LRIG3: variants seen among roughly 807,000 people sequenced by gnomAD.
The protein encoded by LRIG3 is leucine-rich repeats and immunoglobulin-like domains protein 3.
Under a neutral mutation model 114.5 loss-of-function variants are expected in LRIG3, and 76 were observed. That is an observed-to-expected ratio of 0.66 (90% CI 0.55 to 0.80). LRIG3 has a LOEUF of 0.80. Among genes scored for constraint, LRIG3 ranks in the 30% least tolerant of loss-of-function variants. LRIG3 has a pLI of 0.00. For synonymous variants in LRIG3, 512 were observed against 519.8 expected (o/e 0.98, Z 0.20); for missense variants, 1,239 against 1,382.8 (o/e 0.90, Z 1.65).
At chr12:58,879,177 A>ATT in intron 13 of LRIG3, 72 bp from the exon 14 acceptor site, 4 of 1,466,902 alleles carry the variant, frequency 2.7e-6, no homozygotes, top group Non-Finnish European at 3.7e-6. Context: ...CCTTTTTATT[A>ATT]TTTGTTTGTT....
At chr12:58,911,732 T>C (rs1872281117) in intron 3 of LRIG3, among the ~76,000 whole-genome samples, 1 of 152,080 alleles carries the variant, frequency 6.6e-6, no homozygotes, top group South Asian at 2.1e-4. Context: ...TGTTTTTATA[T>C]AAAAGAAAAT....
intron 16 of LRIG3, among the ~76,000 whole-genome samples, chr12:58,875,819 C>T (rs1029409842): frequency 3.3e-5 from 5 of 152,232 alleles, no homozygotes; most frequent in Non-Finnish European, 7.3e-5. Flanking sequence ...GCAGGCAGAT[C>T]ACCTGAGGTC....
intron 1 of LRIG3, among the ~76,000 whole-genome samples, chr12:58,918,714 T>A (rs1221679671): frequency 6.6e-6 from 1 of 152,220 alleles, no homozygotes; most frequent in African/African-American, 2.4e-5. Flanking sequence ...CACAACTAAT[T>A]GAAAGTCTCC....
Position 58,920,132 on chromosome 12 carries a change from A to G in LRIG3, c.104T>C (p.Leu35Pro). The G allele has an allele frequency of 2.6e-6, 4 of 1,545,368 alleles. No individual in the cohort carries two copies. The highest frequency in any genetic ancestry group is 3.5e-6 in the Non-Finnish European group (4 of 1,146,598). ...GRSDSGGRGE[L>P]GQPSGVAAER... ...GGCGGCTACCCCAGAGGGCTGCCCG[A>G]GTTCCCCGCGACCGCCGCTGTCTGA... is the stretch of plus-strand genomic sequence containing the variant. Residue 35 changes from leucine to proline, a missense_variant, in exon 1 of 19, where the codon CTC becomes CCC. Physicochemically the swap from Leu to Pro is moderately conservative, Grantham distance 98. Coordinates refer to ENST00000320743, the MANE Select transcript of LRIG3 (RefSeq NM_153377.5).
At chr12:58,909,673 A>G (rs1872198418) in intron 3 of LRIG3, among the ~76,000 whole-genome samples, 1 of 152,226 alleles carries the variant, frequency 6.6e-6, no homozygotes, top group Non-Finnish European at 1.5e-5. Flanking sequence ...ACTCTATGAG[A>G]TAGACATCAG....
In LRIG3 at chr12:58,890,734, G is replaced by C. The variant is rs1592300914; in HGVS notation, c.446C>G (p.Thr149Ser). The change falls in exon 4 of 19, where the codon ACT becomes AGT. Residue 149 changes from threonine to serine, a missense_variant. Thr to Ser is a moderately conservative substitution (Grantham distance 58). Coordinates refer to ENST00000320743, the MANE Select transcript of LRIG3 (RefSeq NM_153377.5). ...AATATTGTTGCTGCTAAGGTCCAAA[G>C]TTTCAAGGGACTGAAACTCTTTCAG... ...EHLKEFQSLE[T>S]LDLSSNNISE... The C allele has an allele frequency of 3.7e-6, 6 of 1,606,590 alleles. 1 individual carries two copies. In the Middle Eastern group the frequency reaches 6.6e-4, roughly 177 times the overall value.
rs377131038 is a variant in LRIG3, at chr12:58,914,005, C to T, written c.360G>A (p.Ser120=). Residue 120 remains serine, a synonymous_variant, in exon 3 of 19, where the codon TCG becomes TCA. Transcript: ENST00000320743. ...ACAAGGAGAGAAGTGTAATATTTGC[C>T]GAGACTGGTCCCAGATTTGGAATGG... The part of the protein sequence containing the change: ...LETIPNLGPV[S]ANITLLSLAG... The T allele has an allele frequency of 4.3e-6, 7 of 1,611,814 alleles. 1 individual carries two copies. The Admixed American group carries it at 5.0e-5, about 12-fold the overall frequency.
intron 16 of LRIG3, among the ~76,000 whole-genome samples, chr12:58,875,866 C>T (rs1173232735): frequency 6.6e-6 from 1 of 152,124 alleles, no homozygotes; most frequent in Admixed American, 6.6e-5. Flanking sequence ...ATGGCAAAAC[C>T]CCATCTCTAC....
intron 6 of LRIG3, 115 bp downstream of exon 6, chr12:58,888,704 T>A: frequency 7.1e-7 from 1 of 1,417,334 alleles, no homozygotes; most frequent in Non-Finnish European, 9.6e-7. Flanking sequence ...GACTTATAAA[T>A]AAGATTGTGG....
rs1041427698 is a variant in LRIG3, at chr12:58,910,521, C to T, written c.383+3461G>A. ...TGCTGGGGAGGCTGAGGCAAGAGAA[C>T]GGCATGAACCCGGGCAGCGGAGCTT... On this transcript the variant is annotated intron_variant, in intron 3 of 18. Coordinates refer to ENST00000320743, the MANE Select transcript of LRIG3 (RefSeq NM_153377.5). 9.2e-5 allele frequency among the ~76,000 whole-genome samples: 14 copies of T among 152,092 alleles called. No homozygotes were observed. In the East Asian group the frequency reaches 9.7e-4, roughly 11 times the overall value.
At chr12:58,893,184 A>G (rs1435925775) in intron 3 of LRIG3, among the ~76,000 whole-genome samples, 1 of 152,188 alleles carries the variant, frequency 6.6e-6, no homozygotes, top group African/African-American at 2.4e-5. Flanking sequence ...AGAGAATAAT[A>G]AGGGGACAAA....
intron 3 of LRIG3, among the ~76,000 whole-genome samples, chr12:58,905,113 G>GC (rs760162201): frequency 2.0e-5 from 3 of 152,166 alleles, no homozygotes; most frequent in Non-Finnish European, 4.4e-5. Flanking sequence ...TGCTCAATGG[G>GC]CCAACAGGAT....
At chr12:58,914,531 A>G in intron 1 of LRIG3, 195 bp from the exon 2 acceptor site, 1 of 549,620 alleles carries the variant, frequency 1.8e-6, no homozygotes, top group Middle Eastern at 4.8e-4. Context: ...GTTTAGGGAG[A>G]CTGGCAGATT....
chr12:58,920,328 C>G lies in LRIG3; in HGVS notation c.-93G>C. 1.0e-6 allele frequency: 1 copy of G among 957,606 alleles called. No homozygotes were observed. The highest frequency in any genetic ancestry group is 4.3e-5 in the Admixed American group (1 of 23,240). 59.3% of individuals were successfully genotyped at this position (957,606 alleles called of 1,614,324 possible). Reference sequence around the variant, plus strand: ...CTTCCAGCCGAGGGTGCACGCCCGCCCTCGCGGTCGCGTGCGCGCTCCTCC... The same window carrying G: ...CTTCCAGCCGAGGGTGCACGCCCGCGCTCGCGGTCGCGTGCGCGCTCCTCC... On this transcript the variant is annotated 5_prime_UTR_variant, in exon 1 of 19. Coordinates refer to ENST00000320743, the MANE Select transcript of LRIG3 (RefSeq NM_153377.5).
intron 3 of LRIG3, among the ~76,000 whole-genome samples, chr12:58,912,941 C>G (rs1872340273): frequency 6.6e-6 from 1 of 152,182 alleles, no homozygotes; most frequent in African/African-American, 2.4e-5. Flanking sequence ...TGTTTCTGAT[C>G]TTTGGAAAAA....
chr12:58,874,421 A>T lies in LRIG3; in HGVS notation c.2839+9T>A, dbSNP rs939910142. 1.2e-6 allele frequency: 2 copies of T among 1,613,692 alleles called. No homozygotes were observed. The highest frequency in any genetic ancestry group is 2.7e-5 in the African/African-American group (2 of 74,864). ...AACAGAACTGTACTCAAGCAAGAAA[A>T]CCACCTACCTGTATGATATGTTTCA... On this transcript the variant is annotated intron_variant, in intron 17 of 18. Transcript: ENST00000320743.
At chr12:58,908,588 C>CT (rs1389946043) in intron 3 of LRIG3, among the ~76,000 whole-genome samples, 1 of 152,130 alleles carries the variant, frequency 6.6e-6, no homozygotes, top group Admixed American at 6.5e-5. Flanking sequence ...TTCTCTTGTT[C>CT]TTTTTTTACT....
At position 58,874,000 on chromosome 12, in the gene LRIG3, C is replaced by T. The variant is rs761130566; in HGVS notation, c.3115+55G>A. 6 of 1,588,558 alleles carry T rather than the reference C, an allele frequency of 3.8e-6. No homozygotes were observed. In the African/African-American group the frequency reaches 5.4e-5, roughly 14 times the overall value. On this transcript the variant is annotated intron_variant, in intron 18 of 18. Coordinates refer to ENST00000320743, the MANE Select transcript of LRIG3 (RefSeq NM_153377.5). The stretch of plus-strand genomic sequence containing the variant: ...TCAAGGCTGTCATTGCTCTCTCACA[C>T]ACAACTTGGAGTATGGATCCTCAGA...
At position 58,880,718 on chromosome 12, in the gene LRIG3, T is replaced by C; in HGVS notation, c.1664A>G (p.Gln555Arg). The C allele has an allele frequency of 4.3e-6, 7 of 1,614,194 alleles. No individual in the cohort carries two copies. The highest frequency in any genetic ancestry group is 5.9e-6 in the Non-Finnish European group (7 of 1,180,024). The change falls in exon 13 of 19, where the codon CAA becomes CGA. Residue 555 changes from glutamine (Q) to arginine (R), a missense_variant. Coordinates refer to ENST00000320743, the MANE Select transcript of LRIG3 (RefSeq NM_153377.5). The stretch of plus-strand genomic sequence containing the variant: ...GGTATACTCCATCACCTCGCCACCT[T>C]GGGCCCGGAGGTGTGCATAATTTTC... Reference protein sequence around the residue: ...EMENYAHLRAQGGEVMEYTTI... With the variant: ...EMENYAHLRARGGEVMEYTTI...
Sources: gnomAD v4.1 joint callset for allele counts (sites outside exome capture counted in the v4.1 genomes callset) on GRCh38, gnomAD v4.1.1 for gene constraint, MANE v1.5 for transcripts, NCBI Gene and HGNC (gene_info 2026-07-23, HGNC 2026-07-21) for gene names.